Variants in CEMIP observed in about 807,000 individuals in gnomAD.
CEMIP encodes the protein cell migration-inducing and hyaluronan-binding protein.
CEMIP carries 105 observed loss-of-function variants against 156.9 expected under a neutral mutation model. The observed-to-expected ratio is 0.67, with a 90% confidence interval of 0.57 to 0.79. The LOEUF (loss-of-function observed/expected upper bound fraction) is 0.79, where lower values mean the gene tolerates loss of function less well. CEMIP is among the 30% of genes least tolerant of loss of function. The pLI, the probability that CEMIP is intolerant of heterozygous loss-of-function variation, is 0.00. For synonymous variants in CEMIP, 676 were observed against 668.4 expected (o/e 1.01, Z -0.17); for missense variants, 1,457 against 1,769.4 (o/e 0.82, Z 3.17).
chr15:80,857,742 C>T (rs1028313946), intron 1 of CEMIP, among the ~76,000 whole-genome samples: 1 of 151,972 alleles, frequency 6.6e-6, no homozygotes, highest in Admixed American at 6.6e-5. Flanking sequence ...AAATCCCTCC[C>T]GTCATGAAGT....
chr15:80,919,237 A>T (rs1164171973), intron 14 of CEMIP, among the ~76,000 whole-genome samples: 2 of 152,152 alleles, frequency 1.3e-5, no homozygotes, highest in African/African-American at 4.8e-5. Flanking sequence ...AGGAGCATCA[A>T]TATTGGTCTT....
chr15:80,802,272 G>T (rs182752813), intron 1 of CEMIP, among the ~76,000 whole-genome samples: 13 of 152,346 alleles, frequency 8.5e-5, no homozygotes, highest in African/African-American at 3.1e-4. Flanking sequence ...GGCGGGAAAG[G>T]GACATATGTA....
intron 1 of CEMIP, among the ~76,000 whole-genome samples, chr15:80,781,766 G>T (rs1480607977): frequency 6.6e-6 from 1 of 152,228 alleles, no homozygotes; most frequent in African/African-American, 2.4e-5. Flanking sequence ...CCATCTTGCA[G>T]GGTTGCTATG....
Position 80,842,940 on chromosome 15 carries a change from C to T in CEMIP, c.-175-30598C>T, listed in dbSNP as rs373555078. Reference sequence around the variant, plus strand: ...GGATGGGAAGAGCCAAGAGGAACTCCTCATTTCTGTTTAGATGATTGAGTG... The same window carrying T: ...GGATGGGAAGAGCCAAGAGGAACTCTTCATTTCTGTTTAGATGATTGAGTG... On this transcript the variant is annotated intron_variant, in intron 1 of 29. Transcript: ENST00000394685. Among the ~76,000 whole-genome samples the T allele has an allele frequency of 3.9e-5, 6 of 152,274 alleles. No homozygotes were observed. The East Asian group carries it at 9.7e-4, about 25-fold the overall frequency.
In CEMIP at chr15:80,929,144, A is replaced by G; in HGVS notation, c.2582A>G (p.Asp861Gly). The stretch of plus-strand genomic sequence containing the variant: ...AGGATCTGGGGCCCTGGCGGCTTGG[A>G]CCATAGCGGAAGGACCCTCCCTATA... ...DNRIWGPGGLDHSGRTLPIGQ... is the reference protein window; with the variant it reads ...DNRIWGPGGLGHSGRTLPIGQ... The change falls in exon 21 of 30, where the codon GAC (aspartate) becomes GGC (glycine). Residue 861 changes from aspartate (D) to glycine (G), a missense_variant. Asp to Gly is a moderately conservative substitution (Grantham distance 94, BLOSUM62 -1). Coordinates refer to ENST00000394685, the MANE Select transcript of CEMIP (RefSeq NM_001293298.2). 6.2e-7 allele frequency: 1 copy of G among 1,614,156 alleles called. No homozygotes were observed. The highest frequency in any genetic ancestry group is 8.5e-7 in the Non-Finnish European group (1 of 1,180,026).
chr15:80,848,900 G>GCGCACACACA (rs1555430239), intron 1 of CEMIP, among the ~76,000 whole-genome samples: 19 of 134,576 alleles, frequency 1.4e-4, no homozygotes, highest in South Asian at 2.4e-4. Context: ...GTGTGCGCGT[G>GCGCACACACA]CACACACACA....
chr15:80,879,609 C>T, intron 4 of CEMIP, 107 bp from the exon 5 acceptor site: 2 of 1,325,190 alleles, frequency 1.5e-6, no homozygotes, highest in East Asian at 2.3e-5. Flanking sequence ...TGCCTTTTTG[C>T]CTGCCCCGGT....
intron 1 of CEMIP, among the ~76,000 whole-genome samples, chr15:80,835,029 AT>A (rs1488760722): frequency 6.6e-6 from 1 of 152,056 alleles, no homozygotes; most frequent in Non-Finnish European, 1.5e-5. Flanking sequence ...GATTGTTTGC[AT>A]TTTTAGGAGA....
intron 12 of CEMIP, chr15:80,900,963 T>C (rs1176216013): frequency 4.4e-6 from 2 of 455,864 alleles, no homozygotes; most frequent in South Asian, 3.1e-5. Context: ...CCTTAAGGCC[T>C]TTCTGATGGG....
At chr15:80,926,261 A>G (rs1900664505) in intron 19 of CEMIP, among the ~76,000 whole-genome samples, 1 of 152,216 alleles carries the variant, frequency 6.6e-6, no homozygotes, top group Non-Finnish European at 1.5e-5. Flanking sequence ...ACTGGACTCC[A>G]AGACCCAAAT....
At chr15:80,868,989 G>A (rs1217180630) in intron 1 of CEMIP, among the ~76,000 whole-genome samples, 2 of 152,210 alleles carry the variant, frequency 1.3e-5, no homozygotes, top group Admixed American at 6.5e-5. Flanking sequence ...TTCAACAACA[G>A]AAATGTATTT....
At chr15:80,875,938 AT>A (rs1898459571) in intron 3 of CEMIP, among the ~76,000 whole-genome samples, 1 of 152,194 alleles carries the variant, frequency 6.6e-6, no homozygotes, top group Non-Finnish European at 1.5e-5. Context: ...GAGAGCTGGG[AT>A]GTGTGCTCAC....
At chr15:80,875,663 T>A (rs1160677888) in intron 3 of CEMIP, among the ~76,000 whole-genome samples, 4 of 152,192 alleles carry the variant, frequency 2.6e-5, no homozygotes. Flanking sequence ...AGCCAACCCT[T>A]GCTATTCATG....
At chr15:80,862,552 C>G (rs763028496) in intron 1 of CEMIP, among the ~76,000 whole-genome samples, 21 of 152,164 alleles carry the variant, frequency 1.4e-4, no homozygotes, top group Admixed American at 1.2e-3. Context: ...GGTCACCTGG[C>G]TGTGGAACAT....
intron 28 of CEMIP, 117 bp from the exon 29 acceptor site, chr15:80,946,848 C>G: frequency 1.4e-6 from 1 of 731,382 alleles, no homozygotes; most frequent in Non-Finnish European, 2.5e-6. Flanking sequence ...AATCCCTGGA[C>G]AGGCCTCTGG....
intron 12 of CEMIP, among the ~76,000 whole-genome samples, chr15:80,898,708 C>T (rs997813911): frequency 4.6e-5 from 7 of 152,308 alleles, no homozygotes; most frequent in East Asian, 1.9e-4. Flanking sequence ...CCACCACACC[C>T]GGCTATCATC....
chr15:80,879,496 C>A (rs1157865281), intron 4 of CEMIP, among the ~76,000 whole-genome samples: 1 of 152,124 alleles, frequency 6.6e-6, no homozygotes, highest in Non-Finnish European at 1.5e-5. Context: ...ACTGGAGCAT[C>A]CATGGAGTTT....
chr15:80,873,760 T>C, intron 2 of CEMIP, 64 bp downstream of exon 2: 1 of 780,534 alleles, frequency 1.3e-6, no homozygotes, highest in Non-Finnish European at 2.2e-6. Context: ...GCCTGTCCCG[T>C]GTCTGTGTGT....
In CEMIP at chr15:80,878,770, T is replaced by C. The variant is rs1482992552; in HGVS notation, c.144T>C (p.Pro48=). 9.9e-6 allele frequency: 16 copies of C among 1,614,168 alleles called. No individual in the cohort carries two copies. Among genetic ancestry groups the C allele is most frequent in the Non-Finnish European group, 1.4e-5 (16 of 1,180,008 alleles). ...DQSPELQPWN[P]GHDQDHHVHI... The stretch of plus-strand genomic sequence containing the variant: ...GCCCTGAGTTGCAACCCTGGAACCC[T>C]GGCCATGACCAAGACCACCATGTGC... The change falls in exon 4 of 30, where the codon CCT becomes CCC. Residue 48 remains proline, a synonymous_variant. Transcript: ENST00000394685.
Sources: gnomAD v4.1 joint callset for allele counts (sites outside exome capture counted in the v4.1 genomes callset) on GRCh38, gnomAD v4.1.1 for gene constraint, MANE v1.5 for transcripts, NCBI Gene and HGNC (gene_info 2026-07-23, HGNC 2026-07-21) for gene names.